C2CD3: variants seen among roughly 807,000 people sequenced by gnomAD.
C2CD3 encodes C2 domain containing 3 centriole elongation regulator.
In C2CD3, 148 loss-of-function variants were observed where a neutral mutation model predicts 234.0. The ratio of observed to expected loss-of-function variants is 0.63; its 90% confidence interval spans 0.55 to 0.72. The LOEUF (loss-of-function observed/expected upper bound fraction) is 0.72. Among genes scored for constraint, C2CD3 ranks in the 30% least tolerant of loss-of-function variants. The pLI is 0.00. For synonymous variants in C2CD3, 1,000 were observed against 1,035.4 expected, an observed-to-expected ratio of 0.97 and a Z score of 0.66; for missense variants, 2,577 against 2,811.5, an observed-to-expected ratio of 0.92 and a Z score of 1.89.
In C2CD3 at chr11:74,138,973, T is replaced by C. The variant is rs763833601; in HGVS notation, c.708-6A>G. 4 of 1,600,744 alleles carry C rather than the reference T, an allele frequency of 2.5e-6. No individual in the cohort carries two copies. The highest frequency in any genetic ancestry group is 3.4e-6 in the Non-Finnish European group (4 of 1,172,882). On this transcript the variant is annotated splice_polypyrimidine_tract_variant and splice_region_variant and intron_variant, in intron 4 of 32. Coordinates refer to ENST00000334126, the MANE Select transcript of C2CD3 (RefSeq NM_001286577.2). ...AGCATACATGGTCTTTTCCCCTGTT[T>C]TTTTAAAAAGGGAGAACATCAGCAA...
chr11:74,097,263 C>T (rs1283605963), intron 16 of C2CD3, among the ~76,000 whole-genome samples: 1 of 152,052 alleles, frequency 6.6e-6, no homozygotes, highest in Non-Finnish European at 1.5e-5. Context: ...CTGCTAGAGA[C>T]ATTTAAATTT....
intron 24 of C2CD3, among the ~76,000 whole-genome samples, chr11:74,060,072 G>A (rs1954158093): frequency 6.6e-6 from 1 of 152,208 alleles, no homozygotes; most frequent in Admixed American, 6.5e-5. Context: ...GCTGGGGGAA[G>A]GATGTCCACC....
intron 24 of C2CD3, among the ~76,000 whole-genome samples, chr11:74,060,378 G>C (rs991785153): frequency 2.6e-5 from 4 of 152,166 alleles, no homozygotes; most frequent in African/African-American, 9.7e-5. Flanking sequence ...AGTAGGGGCT[G>C]ACTGACACCC....
intron 32 of C2CD3, among the ~76,000 whole-genome samples, chr11:74,015,622 C>T (rs1565196849): frequency 1.3e-5 from 2 of 152,154 alleles, no homozygotes; most frequent in African/African-American, 4.8e-5. Context: ...GAAAACAGGC[C>T]TTAGAGCATA....
In C2CD3 at chr11:74,122,137, ATC is replaced by A. The variant is rs753388308; in HGVS notation, c.1365+849_1365+850del. On this transcript the variant is annotated intron_variant, in intron 8 of 32. Coordinates refer to ENST00000334126, the MANE Select transcript of C2CD3 (RefSeq NM_001286577.2). ...CAACTCCTTTTCCACACAAATTCTC[ATC>A]TAGTCAATTGGGTCCCTTGTAGCGC... Among the ~76,000 whole-genome samples, 28 of 152,242 alleles carry A rather than the reference ATC, an allele frequency of 1.8e-4. No homozygotes were observed. The Middle Eastern group carries it at 0.01, about 56-fold the overall frequency.
intron 11 of C2CD3, among the ~76,000 whole-genome samples, chr11:74,111,448 T>C (rs887745438): frequency 6.6e-6 from 1 of 152,222 alleles, no homozygotes; most frequent in Non-Finnish European, 1.5e-5. Context: ...AAATATTGTA[T>C]AAAATTACCT....
chr11:74,038,357 C>G (rs1952846843), intron 29 of C2CD3, among the ~76,000 whole-genome samples: 1 of 152,192 alleles, frequency 6.6e-6, no homozygotes, highest in African/African-American at 2.4e-5. Flanking sequence ...TCTCACCATT[C>G]TCCAATAAGA....
At chr11:74,163,754 G>A (rs1394582253) in intron 2 of C2CD3, among the ~76,000 whole-genome samples, 1 of 152,146 alleles carries the variant, frequency 6.6e-6, no homozygotes, top group Non-Finnish European at 1.5e-5. Context: ...CTTTATAGCA[G>A]CATGAGAATG....
intron 7 of C2CD3, among the ~76,000 whole-genome samples, chr11:74,124,823 G>T (rs1170062343): frequency 1.3e-5 from 2 of 152,088 alleles, no homozygotes; most frequent in Admixed American, 6.5e-5. Context: ...CCAGTTGCTT[G>T]TTATTCCCCA....
intron 3 of C2CD3, among the ~76,000 whole-genome samples, chr11:74,155,859 G>C (rs1381595684): frequency 6.6e-6 from 1 of 152,110 alleles, no homozygotes; most frequent in Non-Finnish European, 1.5e-5. Context: ...AGGGTGAATT[G>C]GCTGGGTGTG....
intron 26 of C2CD3, among the ~76,000 whole-genome samples, chr11:74,053,636 G>T (rs1276145142): frequency 6.6e-6 from 1 of 152,172 alleles, no homozygotes; most frequent in Non-Finnish European, 1.5e-5. Flanking sequence ...TAATGCAAGG[G>T]TCTTGGTTAA....
chr11:74,109,153 C>T lies in C2CD3; in HGVS notation c.1844-1G>A. 6.5e-7 allele frequency: 1 copy of T among 1,531,564 alleles called. No homozygotes were observed. The allele number at this position is 1,531,564 out of a possible 1,614,324, so 94.9% of individuals were successfully genotyped here. A position where few individuals can be genotyped will look rare whatever the true frequency, so the allele number is the denominator to read the frequency against. ...ACAAATCGCTGCTGGAACTTCACCT[C>T]TGTAAGGAGAACCAGACACACAGAC... On this transcript the variant is annotated splice_acceptor_variant, in intron 11 of 32. Transcript: ENST00000334126. LOFTEE classifies it high-confidence loss of function.
chr11:74,146,747 CA>C (rs1855227990), intron 3 of C2CD3, among the ~76,000 whole-genome samples: 1 of 144,004 alleles, frequency 6.9e-6, no homozygotes, highest in African/African-American at 2.5e-5. Flanking sequence ...CACACACACA[CA>C]ATTAACATAT....
At chr11:74,157,511 AATAAATG>A (rs1243664333) in intron 3 of C2CD3, among the ~76,000 whole-genome samples, 1 of 152,240 alleles carries the variant, frequency 6.6e-6, no homozygotes, top group Admixed American at 6.5e-5. Flanking sequence ...GGATAAAAAC[AATAAATG>A]TTAAGTTTTT....
Position 74,042,144 on chromosome 11 carries a change from A to G in C2CD3, c.5570T>C (p.Leu1857Pro). 6.2e-7 allele frequency: 1 copy of G among 1,613,334 alleles called. No homozygotes were observed. Among genetic ancestry groups the G allele is most frequent in the Non-Finnish European group, 8.5e-7 (1 of 1,179,896 alleles). The change falls in exon 29 of 33, where the codon CTG (leucine) becomes CCG (proline). Residue 1857 changes from leucine (L) to proline (P), a missense_variant. Transcript: ENST00000334126. ...CAAGGGTGCCTCTCCCTGAAGATGC[A>G]GGGATTCATGAAACCGGCGAATGTT... ...VQNIRRFHES[L>P]HLQGEAPLPC...
chr11:74,075,837 G>C (rs982957862), intron 23 of C2CD3, among the ~76,000 whole-genome samples: 1 of 152,230 alleles, frequency 6.6e-6, no homozygotes, highest in Non-Finnish European at 1.5e-5. Context: ...ATGGAAGTAA[G>C]GTTGGATGGA....
chr11:74,085,748 C>T lies in C2CD3; in HGVS notation c.3780G>A (p.Glu1260=). ...ATGTGAACTCAACGTGATGGGAGAACTCAGGGCAGAAAGAACAGGCCACAG... is the reference window on the plus strand; with the variant it reads ...ATGTGAACTCAACGTGATGGGAGAATTCAGGGCAGAAAGAACAGGCCACAG... ...THPVACSFCP[E]FSHHVEFTCN... Residue 1260 remains glutamate, a synonymous_variant, in exon 21 of 33, where the codon GAG becomes GAA. Coordinates refer to ENST00000334126, the MANE Select transcript of C2CD3 (RefSeq NM_001286577.2). 6.2e-7 allele frequency: 1 copy of T among 1,614,142 alleles called. No individual in the cohort carries two copies. The highest frequency in any genetic ancestry group is 8.5e-7 in the Non-Finnish European group (1 of 1,180,028).
intron 3 of C2CD3, among the ~76,000 whole-genome samples, chr11:74,159,277 C>T (rs1300752849): frequency 6.6e-6 from 1 of 152,130 alleles, no homozygotes; most frequent in Non-Finnish European, 1.5e-5. Context: ...CTATATTATA[C>T]TTTTTCTTTT....
intron 13 of C2CD3, among the ~76,000 whole-genome samples, chr11:74,104,980 T>A (rs1956455537): frequency 6.6e-6 from 1 of 152,172 alleles, no homozygotes; most frequent in South Asian, 2.1e-4. Flanking sequence ...GTGATGTTAA[T>A]TTTTTGCAAT....
Sources: gnomAD v4.1 joint callset for allele counts (sites outside exome capture counted in the v4.1 genomes callset) on GRCh38, gnomAD v4.1.1 for gene constraint, MANE v1.5 for transcripts, NCBI Gene and HGNC (gene_info 2026-07-23, HGNC 2026-07-21) for gene names.